SETD5: variants seen among roughly 807,000 people sequenced by gnomAD.
The protein encoded by SETD5 is SET domain containing 5, also known as histone-lysine N-methyltransferase SETD5.
SETD5 carries 44 observed loss-of-function variants against 153.3 expected under a neutral mutation model. The ratio of observed to expected loss-of-function variants is 0.29; its 90% CI spans 0.23 to 0.37. The LOEUF (loss-of-function observed/expected upper bound fraction) is 0.37. Among genes scored for constraint, SETD5 ranks in the 10% least tolerant of loss-of-function variants. The probability of loss-of-function intolerance (pLI) is 1.00; values close to 1 mark genes in which losing one functional copy is unlikely to be tolerated. For synonymous variants in SETD5, 716 were observed against 645.2 expected (o/e 1.11, Z -1.66); for missense variants, 1,544 against 1,768.0 (o/e 0.87, Z 2.27).
At chr3:9,465,676 A>G (rs1194609995) in intron 18 of SETD5, among the ~76,000 whole-genome samples, 1 of 152,216 alleles carries the variant, frequency 6.6e-6, no homozygotes, top group Non-Finnish European at 1.5e-5. Flanking sequence ...GCAGAACTGT[A>G]TTCTTTCTTA....
At chr3:9,412,875 TG>T in intron 1 of SETD5, among the ~76,000 whole-genome samples, 1 of 151,418 alleles carries the variant, frequency 6.6e-6, no homozygotes, top group South Asian at 2.1e-4. Context: ...AATGAATAAA[TG>T]GACTTCTTTA....
intron 1 of SETD5, among the ~76,000 whole-genome samples, chr3:9,406,150 A>G (rs899387743): frequency 6.6e-6 from 1 of 152,192 alleles, no homozygotes; most frequent in Non-Finnish European, 1.5e-5. Flanking sequence ...AAGACCCCCA[A>G]TCAGATAGAG....
intron 11 of SETD5, among the ~76,000 whole-genome samples, chr3:9,443,870 C>T (rs1033046878): frequency 2.6e-5 from 4 of 152,116 alleles, no homozygotes; most frequent in Non-Finnish European, 5.9e-5. Flanking sequence ...TCGAGACCAT[C>T]CTGGCCAATG....
chr3:9,431,181 A>G (rs1575357441), intron 3 of SETD5: 3 of 985,450 alleles, frequency 3.0e-6, no homozygotes, highest in Non-Finnish European at 3.6e-6. Context: ...TGTTTGTAGG[A>G]AAATTTGTAG....
intron 1 of SETD5, among the ~76,000 whole-genome samples, chr3:9,421,550 AGAT>A (rs1369398633): frequency 2.6e-5 from 4 of 152,176 alleles, no homozygotes; most frequent in African/African-American, 9.7e-5. Flanking sequence ...ATGGAGATGA[AGAT>A]AAGTATATAA....
chr3:9,473,148 A>G (rs2045506386), intron 19 of SETD5, 88 bp from the exon 20 acceptor site: 3 of 1,450,000 alleles, frequency 2.1e-6, no homozygotes, highest in East Asian at 2.4e-5. Flanking sequence ...CTAAGGTACC[A>G]TCTTTCCTTC....
chr3:9,415,626 G>C (rs1294738802), intron 1 of SETD5, among the ~76,000 whole-genome samples: 1 of 152,018 alleles, frequency 6.6e-6, no homozygotes, highest in Non-Finnish European at 1.5e-5. Flanking sequence ...TGTCACCCAG[G>C]CTGGAGTGCA....
In SETD5 at chr3:9,453,719, C is replaced by A; in HGVS notation, c.2347-20C>A. ...GTTTTAGATAATTATTGATAATTCT[C>A]TGGTTCTTTTCAATTATAGCGCTGG... On this transcript the variant is annotated intron_variant, in intron 16 of 22. Transcript: ENST00000402198. 6.4e-7 allele frequency: 1 copy of A among 1,567,336 alleles called. No homozygotes were observed. Among genetic ancestry groups the A allele is most frequent in the South Asian group, 1.2e-5 (1 of 83,050 alleles).
chr3:9,450,379 A>G (rs1380726432), intron 16 of SETD5, among the ~76,000 whole-genome samples: 2 of 152,238 alleles, frequency 1.3e-5, no homozygotes, highest in Non-Finnish European at 2.9e-5. Flanking sequence ...ACACAGGATT[A>G]TCATAACAAG....
chr3:9,401,316 A>G (rs990359458), intron 1 of SETD5, among the ~76,000 whole-genome samples: 2 of 152,180 alleles, frequency 1.3e-5, no homozygotes, highest in African/African-American at 4.8e-5. Context: ...GTAGTTTTTT[A>G]CTCTGTGGCT....
intron 1 of SETD5, among the ~76,000 whole-genome samples, chr3:9,399,906 G>C (rs987620004): frequency 2.6e-5 from 4 of 151,822 alleles, no homozygotes; most frequent in South Asian, 2.1e-4. Context: ...GGATCACAGG[G>C]GTGAGTATAC....
At chr3:9,425,643 T>C (rs2039074140) in intron 2 of SETD5, among the ~76,000 whole-genome samples, 1 of 150,398 alleles carries the variant, frequency 6.6e-6, no homozygotes, top group Non-Finnish European at 1.5e-5. Flanking sequence ...TGGCCCTGTC[T>C]CAGCTCACTG....
intron 18 of SETD5, among the ~76,000 whole-genome samples, chr3:9,466,570 C>T (rs373542858): frequency 6.6e-6 from 1 of 152,024 alleles, no homozygotes; most frequent in African/African-American, 2.4e-5. Flanking sequence ...GAAATTTTAC[C>T]TTTCTCATCA....
At chr3:9,462,586 CAAAAAAAAA>C (rs111829236) in intron 17 of SETD5, among the ~76,000 whole-genome samples, 1 of 81,732 alleles carries the variant, frequency 1.2e-5, no homozygotes, top group Admixed American at 1.4e-4. Context: ...GAGTCCGTCT[CAAAAAAAAA>C]AAAAAAGAAA....
At chr3:9,475,196 G>A in intron 22 of SETD5, 40 bp downstream of exon 22, 1 of 1,532,110 alleles carries the variant, frequency 6.5e-7, no homozygotes. Flanking sequence ...ATAGGAGTGT[G>A]TTCTGGGTCC....
chr3:9,410,020 A>G (rs990866072), intron 1 of SETD5, among the ~76,000 whole-genome samples: 1 of 152,136 alleles, frequency 6.6e-6, no homozygotes, highest in Non-Finnish European at 1.5e-5. Context: ...TTAGAGATAG[A>G]GATAGTCATG....
At chr3:9,431,788 G>A (rs1171898130) in intron 3 of SETD5, 3 of 927,768 alleles carry the variant, frequency 3.2e-6, no homozygotes, top group East Asian at 1.2e-4. Flanking sequence ...CATCTCCATG[G>A]CCATCTTTGA....
intron 8 of SETD5, among the ~76,000 whole-genome samples, chr3:9,441,111 G>A (rs1386344059): frequency 6.6e-6 from 1 of 152,116 alleles, no homozygotes; most frequent in African/African-American, 2.4e-5. Context: ...TACTGGGGAG[G>A]CTGAGGTGGA....
In SETD5 at chr3:9,434,495, T is replaced by C. The variant is rs757512639; in HGVS notation, c.329+10T>C. ...ACTGTGACAAGTGCAGGTAAGATCC[T>C]GTTCCATCTAAATTTAAGTCTGGGT... On this transcript the variant is annotated intron_variant, in intron 5 of 22. Coordinates refer to ENST00000402198, the MANE Select transcript of SETD5 (RefSeq NM_001080517.3). The surrounding 1 kb of genome is among the most constrained non-coding windows in gnomAD (Gnocchi z 5.6). 7 of 1,613,898 alleles carry C rather than the reference T, an allele frequency of 4.3e-6. No homozygotes were observed. The Admixed American group carries it at 1.2e-4, about 27-fold the overall frequency.
Sources: gnomAD v4.1 joint callset for allele counts (sites outside exome capture counted in the v4.1 genomes callset) on GRCh38, gnomAD v4.1.1 for gene constraint, Gnocchi (gnomAD v3.1) non-coding constraint, MANE v1.5 for transcripts, NCBI Gene and HGNC (gene_info 2026-07-23, HGNC 2026-07-21) for gene names.